The following NKAIN2 variants were observed in gnomAD, a reference collection of about 807,000 sequenced individuals.
NKAIN2 encodes sodium/potassium-transporting ATPase subunit beta-1-interacting protein 2.
Under a neutral mutation model 32.6 loss-of-function variants are expected in NKAIN2, and 14 were observed. The observed-to-expected ratio is 0.43, with a 90% CI of 0.28 to 0.67. NKAIN2 has a LOEUF of 0.67. Ranked by LOEUF, NKAIN2 falls within the 30% of genes least tolerant of loss-of-function variation. NKAIN2 has a pLI of 0.17. For synonymous variants in NKAIN2, 80 were observed against 87.2 expected, an observed-to-expected ratio of 0.92 and a Z score of 0.46; for missense variants, 198 against 258.3, an observed-to-expected ratio of 0.77 and a Z score of 1.60.
chr6:124,643,519 T>C (rs1784064736), intron 3 of NKAIN2, among the ~76,000 whole-genome samples: 1 of 152,192 alleles, frequency 6.6e-6, no homozygotes. Flanking sequence ...TATATCGGTA[T>C]ATTTTATTTT....
chr6:124,234,122 T>A (rs1295759039), intron 1 of NKAIN2, among the ~76,000 whole-genome samples: 1 of 152,178 alleles, frequency 6.6e-6, no homozygotes, highest in Non-Finnish European at 1.5e-5. Context: ...AGTTATTTAC[T>A]CTTGGAAGTC....
intron 5 of NKAIN2, among the ~76,000 whole-genome samples, chr6:124,792,724 A>C (rs540784296): frequency 6.6e-6 from 1 of 152,220 alleles, no homozygotes; most frequent in South Asian, 2.1e-4. Flanking sequence ...CTGATATGGA[A>C]GTGAGGGGTG....
At chr6:123,886,566 C>A (rs999480828) in intron 1 of NKAIN2, among the ~76,000 whole-genome samples, 1 of 152,066 alleles carries the variant, frequency 6.6e-6, no homozygotes, top group Non-Finnish European at 1.5e-5. Flanking sequence ...GTTAATTATA[C>A]TGAACTAATG....
At chr6:124,133,380 G>T (rs1287005306) in intron 1 of NKAIN2, among the ~76,000 whole-genome samples, 2 of 152,092 alleles carry the variant, frequency 1.3e-5, no homozygotes, top group African/African-American at 2.4e-5. Context: ...CTGCTGACCT[G>T]GCAAGGGGAG....
At chr6:124,072,432 A>T (rs1306079250) in intron 1 of NKAIN2, among the ~76,000 whole-genome samples, 1 of 152,136 alleles carries the variant, frequency 6.6e-6, no homozygotes, top group African/African-American at 2.4e-5. Context: ...TGTGTAACAA[A>T]CCTGCACGTG....
At chr6:124,499,316 A>G (rs895176186) in intron 3 of NKAIN2, among the ~76,000 whole-genome samples, 4 of 152,194 alleles carry the variant, frequency 2.6e-5, no homozygotes, top group Non-Finnish European at 4.4e-5. Flanking sequence ...CAGCCTGTGC[A>G]CAGTTATAAC....
At chr6:124,030,266 T>G (rs1781349448) in intron 1 of NKAIN2, among the ~76,000 whole-genome samples, 1 of 152,088 alleles carries the variant, frequency 6.6e-6, no homozygotes, top group East Asian at 1.9e-4. Context: ...GTAATGCACT[T>G]GAATCATCCC....
intron 1 of NKAIN2, among the ~76,000 whole-genome samples, chr6:124,214,138 A>T (rs967851903): frequency 8.5e-5 from 13 of 152,188 alleles, no homozygotes; most frequent in African/African-American, 2.9e-4. Context: ...GCCAATTCAC[A>T]TATTGTAAAT....
chr6:124,759,588 AACACACACACAC>A (rs542448143), intron 4 of NKAIN2, among the ~76,000 whole-genome samples: 2,463 of 84,450 alleles, frequency 0.029, 83 homozygotes, highest in African/African-American at 0.045. Flanking sequence ...CTGAAATTGC[AACACACACACAC>A]ACACACACAC....
intron 3 of NKAIN2, among the ~76,000 whole-genome samples, chr6:124,424,620 T>A (rs949281993): frequency 6.6e-6 from 1 of 152,154 alleles, no homozygotes; most frequent in Admixed American, 6.6e-5. Flanking sequence ...TCTGCTTCTA[T>A]TCATTATTAT....
In NKAIN2 at chr6:124,626,189, A is replaced by G. The variant is rs149945434; in HGVS notation, c.274-31997A>G. On this transcript the variant is annotated intron_variant, in intron 3 of 6. Transcript: ENST00000368417. ...AACTGAATCTTTCTTTGCTTCTTGT[A>G]TCAGTATCTAAGGAGGAAGTAATTG... Among the ~76,000 whole-genome samples the G allele has an allele frequency of 1.6e-3, 242 of 146,718 alleles. 1 individual carries two copies. Among genetic ancestry groups the G allele is most frequent in the African/African-American group, 5.6e-3 (223 of 39,652 alleles).
intron 1 of NKAIN2, among the ~76,000 whole-genome samples, chr6:123,839,810 A>G (rs1455753842): frequency 2.0e-5 from 3 of 152,136 alleles, no homozygotes. Context: ...ATGACAGAAG[A>G]TGTTCCTATG....
chr6:124,296,478 C>A (rs1189796813), intron 2 of NKAIN2, among the ~76,000 whole-genome samples: 1 of 152,064 alleles, frequency 6.6e-6, no homozygotes, highest in African/African-American at 2.4e-5. Flanking sequence ...ATTATAATTT[C>A]ATTTACAAGA....
At chr6:123,838,443 T>G (rs1774721856) in intron 1 of NKAIN2, among the ~76,000 whole-genome samples, 1 of 152,182 alleles carries the variant, frequency 6.6e-6, no homozygotes, top group Non-Finnish European at 1.5e-5. Flanking sequence ...ATAAACCAGT[T>G]TTTATATAAA....
chr6:124,581,227 C>T (rs945662424), intron 3 of NKAIN2, among the ~76,000 whole-genome samples: 1 of 151,894 alleles, frequency 6.6e-6, no homozygotes, highest in Non-Finnish European at 1.5e-5. Flanking sequence ...ATCATGAGGT[C>T]ACGAGATCGA....
chr6:124,751,743 C>T (rs1356387061), intron 4 of NKAIN2, among the ~76,000 whole-genome samples: 1 of 151,658 alleles, frequency 6.6e-6, no homozygotes, highest in Non-Finnish European at 1.5e-5. Context: ...CTTTAGGAGG[C>T]TAAGGCAGGA....
chr6:124,267,408 C>G (rs1794547549), intron 1 of NKAIN2, among the ~76,000 whole-genome samples: 2 of 150,342 alleles, frequency 1.3e-5, no homozygotes, highest in Non-Finnish European at 2.9e-5. Context: ...CTTTGGGATG[C>G]CAAGGTGGGT....
chr6:124,393,940 C>G (rs62436274), intron 3 of NKAIN2, among the ~76,000 whole-genome samples: 17,325 of 151,990 alleles, frequency 0.11, 1,349 homozygotes, highest in African/African-American at 0.22. Flanking sequence ...AAGTAAAATC[C>G]ATTGATTAAA....
chr6:124,142,139 T>G (rs1470798860), intron 1 of NKAIN2, among the ~76,000 whole-genome samples: 1 of 152,156 alleles, frequency 6.6e-6, no homozygotes, highest in Non-Finnish European at 1.5e-5. Flanking sequence ...CCTACCTCAC[T>G]GACACATTGG....
Sources: gnomAD v4.1 joint callset for allele counts (sites outside exome capture counted in the v4.1 genomes callset) on GRCh38, gnomAD v4.1.1 for gene constraint, MANE v1.5 for transcripts, NCBI Gene and HGNC (gene_info 2026-07-23, HGNC 2026-07-21) for gene names.